The following KMT2D variants were observed in gnomAD, a reference collection of about 807,000 sequenced individuals.
The protein encoded by KMT2D is lysine methyltransferase 2D.
In KMT2D, 55 loss-of-function variants were observed where a neutral mutation model predicts 512.7. The ratio of observed to expected loss-of-function variants is 0.11; its 90% CI spans 0.09 to 0.13. KMT2D has a LOEUF of 0.13. Ranked by LOEUF, KMT2D falls within the 10% of genes least tolerant of loss-of-function variation. The pLI, the probability that KMT2D is intolerant of heterozygous loss-of-function variation, is 1.00. For missense variants in KMT2D, 6,061 were observed against 7,127.9 expected (o/e 0.85, Z 5.39); for synonymous variants, 2,995 against 2,904.0 (o/e 1.03, Z -1.01).
rs886043233 is a variant in KMT2D, at chr12:49,030,408, G to A, written c.13871C>T (p.Ser4624Leu). 1.4e-6 allele frequency: 2 copies of A among 1,424,966 alleles called. No homozygotes were observed. Among genetic ancestry groups the A allele is most frequent in the African/African-American group, 1.5e-5 (1 of 66,132 alleles). 88.3% of individuals were successfully genotyped at this position (1,424,966 alleles called of 1,614,324 possible). A position where few individuals can be genotyped will look rare whatever the true frequency, so the allele number is the denominator to read the frequency against. The part of the protein sequence containing the change: ...NNLSNPPTPP[S>L]SLPPTPPPSV... ...TGGGGGTGGGGTGGGGGGCAGCGAC[G>A]AGGGTGGTGTCGGCGGGTTACTCAG... The change falls in exon 43 of 55, where the codon TCG becomes TTG. Residue 4624 changes from serine to leucine, a missense_variant. Around this residue, in one of 16 missense-constraint regions of KMT2D, gnomAD observed 1,600 missense variants for 1,754.9 expected, o/e 0.91. Coordinates refer to ENST00000301067, the MANE Select transcript of KMT2D (RefSeq NM_003482.4).
Position 49,049,097 on chromosome 12 carries a change from C to G in KMT2D, c.4020+8G>C, listed in dbSNP as rs1226234891. 4 of 1,565,758 alleles carry G rather than the reference C, an allele frequency of 2.6e-6. No individual in the cohort carries two copies. The highest frequency in any genetic ancestry group is 3.5e-6 in the Non-Finnish European group (4 of 1,139,260). On this transcript the variant is annotated splice_region_variant and intron_variant, in intron 13 of 54. Transcript: ENST00000301067. The stretch of plus-strand genomic sequence containing the variant: ...GGGGGATGGGAGGAATAGGAGGCAT[C>G]TCCTTACTACCAGAGTCTCAATGGA...
chr12:49,051,176 TG>T lies in KMT2D; in HGVS notation c.2506del (p.Gln836SerfsTer94). ...GGGGGACAGGCATGGCTCCTCAGAC[TG>T]GGGGGACAGGTGTGATTCCTCAGGT... ...PQPEESHLSP[Q>X]SEEPCLSPRP... On this transcript the variant is annotated frameshift_variant, in exon 11 of 55. Transcript: ENST00000301067. LOFTEE classifies it high-confidence loss of function. 5 of 1,379,122 alleles carry T rather than the reference TG, an allele frequency of 3.6e-6. No homozygotes were observed. Among genetic ancestry groups the T allele is most frequent in the Non-Finnish European group, 4.7e-6 (5 of 1,056,520 alleles). 85.4% of individuals were successfully genotyped at this position (1,379,122 alleles called of 1,614,324 possible). A position where few individuals can be genotyped will look rare whatever the true frequency, so the allele number is the denominator to read the frequency against.
rs1035602569 is a variant in KMT2D at position 49,024,694 on chromosome 12, C to T, written c.15936G>A (p.Glu5312=). ...LRIAESLPGV[E]SCQNYLFRYG... ...AGCGGAATAAATAGTTTTGACAGCTCTCCACCCCGGGCAGCTGTGGGCACA... is the reference window on the plus strand; with the variant it reads ...AGCGGAATAAATAGTTTTGACAGCTTTCCACCCCGGGCAGCTGTGGGCACA... Residue 5312 remains glutamate (E), a synonymous_variant, in exon 51 of 55, where the codon GAG becomes GAA. Coordinates refer to ENST00000301067, the MANE Select transcript of KMT2D (RefSeq NM_003482.4). The surrounding 1 kb of genome is among the most constrained non-coding windows in gnomAD (Gnocchi z 4.5). The T allele has an allele frequency of 1.2e-6, 2 of 1,613,638 alleles. No individual in the cohort carries two copies. Among genetic ancestry groups the T allele is most frequent in the Non-Finnish European group, 8.5e-7 (1 of 1,179,800 alleles).
rs774789138 is a variant in KMT2D, at chr12:49,051,809, C to T, written c.1874G>A (p.Arg625His). 1.9e-6 allele frequency: 3 copies of T among 1,573,742 alleles called. No individual in the cohort carries two copies. Among genetic ancestry groups the T allele is most frequent in the Non-Finnish European group, 1.7e-6 (2 of 1,163,314 alleles). ...SPLSPPPEAS[R>H]LSPPPEDSPM... ...CGAGTCCTCAGGTGGTGGGGACAGG[C>T]GTGATGCCTCAGGTGGTGGGGAAAG... The change falls in exon 11 of 55, where the codon CGC (arginine) becomes CAC (histidine). Residue 625 changes from arginine (R) to histidine (H), a missense_variant. By Grantham distance (29) the Arg-to-His change is conservative. This residue lies in a region of KMT2D where 848 missense variants were observed against 838.5 expected (regional missense o/e 1.01). Coordinates refer to ENST00000301067, the MANE Select transcript of KMT2D (RefSeq NM_003482.4).
chr12:49,039,748 T>A lies in KMT2D; in HGVS notation c.8022A>T (p.Gln2674His). ...CCTGCCGTTGCTTCTCCAGCTCTGTTTGGCTAAGGCCGGACATGCCTGGGT... is the reference window on the plus strand; with the variant it reads ...CCTGCCGTTGCTTCTCCAGCTCTGTATGGCTAAGGCCGGACATGCCTGGGT... ...TQDPGMSGLS[Q>H]TELEKQRQRQ... The change falls in exon 32 of 55, where the codon CAA becomes CAT. Residue 2674 changes from glutamine to histidine, a missense_variant. By Grantham distance (24) the Gln-to-His change is conservative. Coordinates refer to ENST00000301067, the MANE Select transcript of KMT2D (RefSeq NM_003482.4). The surrounding 1 kb of genome is among the most constrained non-coding windows in gnomAD (Gnocchi z 5.0). 1 of 1,613,498 alleles carries A rather than the reference T, an allele frequency of 6.2e-7. No individual in the cohort carries two copies. Among genetic ancestry groups the A allele is most frequent in the Non-Finnish European group, 8.5e-7 (1 of 1,179,820 alleles).
Position 49,060,216 on chromosome 12 carries a change from C to G in KMT2D, c.-641G>C, listed in dbSNP as rs1293662690. ...GACACACACCCAGCGCCGGGCTTCTCGACCCCGAGCGCTCACCCTCGGCGG... is the reference window on the plus strand; with the variant it reads ...GACACACACCCAGCGCCGGGCTTCTGGACCCCGAGCGCTCACCCTCGGCGG... On this transcript the variant is annotated 5_prime_UTR_variant, in exon 1 of 55. Transcript: ENST00000301067. Among the ~76,000 whole-genome samples, 1 of 151,920 alleles carries G rather than the reference C, an allele frequency of 6.6e-6. No individual in the cohort carries two copies. Among genetic ancestry groups the G allele is most frequent in the Non-Finnish European group, 1.5e-5 (1 of 67,882 alleles).
At position 49,060,126 on chromosome 12, in the gene KMT2D, G is replaced by A. The variant is rs1335338294; in HGVS notation, c.-551C>T. 6.6e-6 allele frequency among the ~76,000 whole-genome samples: 1 copy of A among 150,874 alleles called. No individual in the cohort carries two copies. Among genetic ancestry groups the A allele is most frequent in the African/African-American group, 2.4e-5 (1 of 41,090 alleles). On this transcript the variant is annotated 5_prime_UTR_variant, in exon 1 of 55. Coordinates refer to ENST00000301067, the MANE Select transcript of KMT2D (RefSeq NM_003482.4). ...AGCGCCGAGCCCCTCTCCCCGCCCCGGCCGGCGCCCGGGGCCGCGCGAGCT... is the reference window on the plus strand; with the variant it reads ...AGCGCCGAGCCCCTCTCCCCGCCCCAGCCGGCGCCCGGGGCCGCGCGAGCT...
chr12:49,026,218 G>A lies in KMT2D; in HGVS notation c.15748C>T (p.Leu5250=), dbSNP rs748281996. The change falls in exon 49 of 55, where the codon CTG becomes TTG. Residue 5250 remains leucine (L), a synonymous_variant. Coordinates refer to ENST00000301067, the MANE Select transcript of KMT2D (RefSeq NM_003482.4). This position sits in a 1 kb window ranked among gnomAD's most constrained non-coding sequence, Gnocchi z 9.6. ...EFVIKVIEQG[L]EDLVFTDASP... ...GCGTCAGTGAAGACCAGGTCCTCCA[G>A]GCCCTGCTCGATGACTTTGATTACA... 3.1e-6 allele frequency: 5 copies of A among 1,597,592 alleles called. No homozygotes were observed. The highest frequency in any genetic ancestry group is 1.7e-4 in the Middle Eastern group (1 of 6,008).
Position 49,031,833 on chromosome 12 carries a change from G to C in KMT2D, c.12872C>G (p.Ala4291Gly). The C allele has an allele frequency of 6.4e-7, 1 of 1,557,578 alleles. No individual in the cohort carries two copies. The highest frequency in any genetic ancestry group is 8.7e-7 in the Non-Finnish European group (1 of 1,151,216). ...TCCTGTAGATAAGGCTCCTGGTGGG[G>C]CAGGGAGCCGGGGTGGGCCCTGAGG... is the stretch of plus-strand genomic sequence containing the variant. ...PRPQGPPRLP[A>G]PPGALSTGPV... Residue 4291 changes from alanine (A) to glycine (G), a missense_variant, in exon 40 of 55, where the codon GCC (alanine) becomes GGC (glycine). Physicochemically the swap from Ala to Gly is moderately conservative, Grantham distance 60 (BLOSUM62 0). Transcript: ENST00000301067.
rs1942180615 is a variant in KMT2D at position 49,019,268 on chromosome 12, G to C, written c.*2512C>G. 1.4e-6 allele frequency: 1 copy of C among 709,470 alleles called. No homozygotes were observed. The highest frequency in any genetic ancestry group is 1.8e-6 in the Non-Finnish European group (1 of 556,800). 43.9% of individuals were successfully genotyped at this position (709,470 alleles called of 1,614,324 possible). A position where few individuals can be genotyped will look rare whatever the true frequency, so the allele number is the denominator to read the frequency against. On this transcript the variant is annotated 3_prime_UTR_variant, in exon 55 of 55. Coordinates refer to ENST00000301067, the MANE Select transcript of KMT2D (RefSeq NM_003482.4). ...TTGTCAGCGATTTATTTTTTAAAAA[G>C]GGGGAGGGTCCTGGAGGTGAGGGGA...
rs769048290 is a variant in KMT2D at position 49,039,002 on chromosome 12, A to C, written c.8367-13T>G. ...TCCTACCAGTTGCCTGGAAGAATAT[A>C]CAGTAGTCAGTAGGATGAAATCAGA... On this transcript the variant is annotated splice_polypyrimidine_tract_variant and intron_variant, in intron 34 of 54. Coordinates refer to ENST00000301067, the MANE Select transcript of KMT2D (RefSeq NM_003482.4). This position sits in a 1 kb window ranked among gnomAD's most constrained non-coding sequence, Gnocchi z 5.0. The C allele has an allele frequency of 1.6e-5, 25 of 1,551,836 alleles. No homozygotes were observed. The highest frequency in any genetic ancestry group is 2.2e-5 in the Non-Finnish European group (25 of 1,147,014).
At position 49,027,246 on chromosome 12, in the gene KMT2D, G is replaced by A. The variant is rs189256695; in HGVS notation, c.14720C>T (p.Ser4907Leu). 10 of 1,552,452 alleles carry A rather than the reference G, an allele frequency of 6.4e-6. No individual in the cohort carries two copies. The East Asian group carries it at 9.0e-5, about 14-fold the overall frequency. The change falls in exon 49 of 55, where the codon TCG becomes TTG. Residue 4907 changes from serine to leucine, a missense_variant. By Grantham distance (145) the Ser-to-Leu change is moderately radical. Coordinates refer to ENST00000301067, the MANE Select transcript of KMT2D (RefSeq NM_003482.4). ...NVSNLDVRQL[S>L]APPPEEPSPP... Reference sequence around the variant, plus strand: ...GGAGGGTTCTTCAGGAGGTGGGGCCGAGAGCTGTCGCACATCCAGATTGGA... The same window carrying A: ...GGAGGGTTCTTCAGGAGGTGGGGCCAAGAGCTGTCGCACATCCAGATTGGA...
At position 49,026,141 on chromosome 12, in the gene KMT2D, T is replaced by C. The variant is rs781470624; in HGVS notation, c.15784+41A>G. 1 of 1,511,362 alleles carries C rather than the reference T, an allele frequency of 6.6e-7. No homozygotes were observed. The highest frequency in any genetic ancestry group is 2.2e-5 in the Admixed American group (1 of 46,388). The allele number at this position is 1,511,362 out of a possible 1,614,324, so 93.6% of individuals were successfully genotyped here. A position where few individuals can be genotyped will look rare whatever the true frequency, so the allele number is the denominator to read the frequency against. On this transcript the variant is annotated intron_variant, in intron 49 of 54. Transcript: ENST00000301067. This position sits in a 1 kb window ranked among gnomAD's most constrained non-coding sequence, Gnocchi z 9.6. ...GTAACAGTGACCCTGGGAGAAACTTTTCCCATTCCATATTATCCATTTCAA... is the reference window on the plus strand; with the variant it reads ...GTAACAGTGACCCTGGGAGAAACTTCTCCCATTCCATATTATCCATTTCAA...
intron 14 of KMT2D, among the ~76,000 whole-genome samples, chr12:49,048,373 A>G (rs1417366326): frequency 6.6e-6 from 1 of 152,262 alleles, no homozygotes; most frequent in Non-Finnish European, 1.5e-5. Context: ...ATCAGCTTCA[A>G]GATTATTCAA....
rs575965702 is a variant in KMT2D at position 49,026,411 on chromosome 12, G to A, written c.15555C>T (p.Phe5185=). Residue 5185 remains phenylalanine, a synonymous_variant, in exon 49 of 55, where the codon TTC becomes TTT. Transcript: ENST00000301067. The surrounding 1 kb of genome is among the most constrained non-coding windows in gnomAD (Gnocchi z 9.6). ...LHMFRVGGLV[F]HAIGQLLPHQ... ...GAGGCAGCAGCTGTCCGATGGCGTG[G>A]AACACAAGGCCCCCCACACGGAACA... The A allele has an allele frequency of 4.3e-4, 702 of 1,613,932 alleles. 10 individuals carry two copies. In the South Asian group the frequency reaches 7.5e-3, roughly 17 times the overall value.
rs1305646072 is a variant in KMT2D at position 49,052,928 on chromosome 12, G to A, written c.1099C>T (p.Pro367Ser). The A allele has an allele frequency of 1.2e-6, 2 of 1,613,850 alleles. No homozygotes were observed. Among genetic ancestry groups the A allele is most frequent in the African/African-American group, 1.3e-5 (1 of 74,922 alleles). Residue 367 changes from proline to serine, a missense_variant, in exon 9 of 55, where the codon CCG becomes TCG. Pro to Ser is a moderately conservative substitution (Grantham distance 74, BLOSUM62 -1). Coordinates refer to ENST00000301067, the MANE Select transcript of KMT2D (RefSeq NM_003482.4). Reference protein sequence around the residue: ...TIRSVAEQHTPVCSRFSPPEP... With the variant: ...TIRSVAEQHTSVCSRFSPPEP... Reference sequence around the variant, plus strand: ...CCCACCACTTACCTGCTACACACCGGGGTATGCTGCTCAGCAACGGAGCGG... The same window carrying A: ...CCCACCACTTACCTGCTACACACCGAGGTATGCTGCTCAGCAACGGAGCGG...
At position 49,033,347 on chromosome 12, in the gene KMT2D, C is replaced by A. The variant is rs2120442047; in HGVS notation, c.11358G>T (p.Leu3786=). ...GTGGTTGAGGGGACAGCTGCTGGAC[C>A]AGGAGGCCTTGGTGGCTGCTGGGAG... The part of the protein sequence containing the change: ...LMPPSSHQGL[L]VQQLSPQPPQ... Residue 3786 remains leucine, a synonymous_variant, in exon 40 of 55, where the codon CTG becomes CTT. Coordinates refer to ENST00000301067, the MANE Select transcript of KMT2D (RefSeq NM_003482.4). 1 of 1,591,898 alleles carries A rather than the reference C, an allele frequency of 6.3e-7. No homozygotes were observed. Among genetic ancestry groups the A allele is most frequent in the Non-Finnish European group, 8.6e-7 (1 of 1,169,414 alleles).
In KMT2D at chr12:49,020,917, AACC is replaced by A. The variant is rs989341333; in HGVS notation, c.*860_*862del. The A allele has an allele frequency of 5.1e-6, 1 of 196,284 alleles. No homozygotes were observed. The highest frequency in any genetic ancestry group is 2.3e-5 in the African/African-American group (1 of 43,142). The allele number at this position is 196,284 out of a possible 1,614,324, so 12.2% of individuals were successfully genotyped here. ...CCCAATCTTCATCATCATTTGCCTC[AACC>A]ACCATCCCATGCCCATAATTAAAAA... On this transcript the variant is annotated 3_prime_UTR_variant, in exon 55 of 55. Transcript: ENST00000301067.
chr12:49,028,795 TC>T (rs1942740767), intron 46 of KMT2D, 32 bp downstream of exon 46: 1 of 1,610,294 alleles, frequency 6.2e-7, no homozygotes, highest in Non-Finnish European at 8.5e-7. Context: ...CTGATCAGGT[TC>T]CCCTCAGCCT....
Sources: gnomAD v4.1 joint callset for allele counts (sites outside exome capture counted in the v4.1 genomes callset) on GRCh38, gnomAD v4.1.1 for gene constraint, gnomAD v4.1.1 regional missense constraint, Gnocchi (gnomAD v3.1) non-coding constraint, MANE v1.5 for transcripts, NCBI Gene and HGNC (gene_info 2026-07-23, HGNC 2026-07-21) for gene names.